The following DRC11 variants were observed in gnomAD, a reference collection of about 807,000 sequenced individuals.
The protein encoded by DRC11 is dynein regulatory complex subunit 11, also known as IQ and AAA domain-containing protein 1.
chr2:236,463,808 C>G, the DRC11 span, among the ~76,000 whole-genome samples: 1 of 152,224 alleles, frequency 6.6e-6, no homozygotes, highest in Admixed American at 6.5e-5. This position sits in a 1 kb window ranked among gnomAD's most constrained non-coding sequence, Gnocchi z 5.0. Flanking sequence ...TGTGGCTCAG[C>G]TGGGCGCCTC....
the DRC11 span, among the ~76,000 whole-genome samples, chr2:236,389,335 C>G: frequency 1.3e-5 from 2 of 152,206 alleles, no homozygotes; most frequent in African/African-American, 4.8e-5. Context: ...GTAGGACCCT[C>G]GGAGCCAGGT....
chr2:236,448,681 A>G, the DRC11 span, among the ~76,000 whole-genome samples: 1 of 151,866 alleles, frequency 6.6e-6, no homozygotes, highest in Non-Finnish European at 1.5e-5. This position sits in a 1 kb window ranked among gnomAD's most constrained non-coding sequence, Gnocchi z 5.3. Context: ...GGCTCTGAGG[A>G]GGAGGCCTCC....
At chr2:236,400,373 G>A in the DRC11 span, among the ~76,000 whole-genome samples, 5 of 152,180 alleles carry the variant, frequency 3.3e-5, no homozygotes, top group Non-Finnish European at 5.9e-5. The surrounding 1 kb of genome is among the most constrained non-coding windows in gnomAD (Gnocchi z 7.9). Flanking sequence ...GGTGCTACCC[G>A]CCGCCAGCCC....
chr2:236,460,926 T>C, the DRC11 span, among the ~76,000 whole-genome samples: 2 of 152,134 alleles, frequency 1.3e-5, no homozygotes, highest in Non-Finnish European at 2.9e-5. This position sits in a 1 kb window ranked among gnomAD's most constrained non-coding sequence, Gnocchi z 4.0. Flanking sequence ...AGCTAATTTT[T>C]GTATTTTTAG....
chr2:236,497,538 T>A, the DRC11 span: 18 of 1,368,618 alleles, frequency 1.3e-5, no homozygotes, highest in Non-Finnish European at 1.8e-5. This position sits in a 1 kb window ranked among gnomAD's most constrained non-coding sequence, Gnocchi z 5.1. Context: ...AATCACTTGG[T>A]AAAACATAAA....
chr2:236,353,910 G>A, the DRC11 span, among the ~76,000 whole-genome samples: 1 of 152,054 alleles, frequency 6.6e-6, no homozygotes, highest in Non-Finnish European at 1.5e-5. This position sits in a 1 kb window ranked among gnomAD's most constrained non-coding sequence, Gnocchi z 5.0. Flanking sequence ...ATGACATTTT[G>A]GCCTGCATTT....
chr2:236,388,725 G>A, the DRC11 span, among the ~76,000 whole-genome samples: 1 of 150,554 alleles, frequency 6.6e-6, no homozygotes, highest in African/African-American at 2.4e-5. Flanking sequence ...TCCTTTGGAG[G>A]AGGAGAGGCG....
chr2:236,368,066 T>G, the DRC11 span: 4 of 706,044 alleles, frequency 5.7e-6, no homozygotes, highest in Non-Finnish European at 1.0e-5. Context: ...CTGTGCCCAC[T>G]CAGAATTCTC....
the DRC11 span, among the ~76,000 whole-genome samples, chr2:236,338,649 G>C: frequency 6.6e-6 from 1 of 152,124 alleles, no homozygotes; most frequent in Non-Finnish European, 1.5e-5. Context: ...CTTGGCCCTA[G>C]GAATGGGAAG....
the DRC11 span, among the ~76,000 whole-genome samples, chr2:236,357,860 A>G: frequency 1.6e-5 from 2 of 125,492 alleles, no homozygotes; most frequent in East Asian, 4.7e-4. Flanking sequence ...ATAAATATAT[A>G]CTATATAAAT....
chr2:236,445,880 C>T, the DRC11 span, among the ~76,000 whole-genome samples: 16 of 152,234 alleles, frequency 1.1e-4, no homozygotes, highest in South Asian at 2.1e-4. The surrounding 1 kb of genome is among the most constrained non-coding windows in gnomAD (Gnocchi z 4.8). Flanking sequence ...CTATCCCTTT[C>T]TTGCTCACTG....
the DRC11 span, among the ~76,000 whole-genome samples, chr2:236,396,934 G>A: frequency 6.6e-6 from 1 of 152,228 alleles, no homozygotes; most frequent in South Asian, 2.1e-4. Context: ...CACCCAAGTG[G>A]TAAGTACAGC....
chr2:236,420,651 A>AC, the DRC11 span, among the ~76,000 whole-genome samples: 1 of 152,080 alleles, frequency 6.6e-6, no homozygotes, highest in African/African-American at 2.4e-5. This position sits in a 1 kb window ranked among gnomAD's most constrained non-coding sequence, Gnocchi z 4.8. Flanking sequence ...ACAAAAAAAA[A>AC]CACAAAACAT....
the DRC11 span, chr2:236,407,710 C>G: frequency 8.2e-5 from 22 of 268,076 alleles, no homozygotes; most frequent in East Asian, 2.9e-4. Flanking sequence ...TCATTTCCCC[C>G]CTGTGATCCT....
the DRC11 span, among the ~76,000 whole-genome samples, chr2:236,320,156 G>T: frequency 0.036 from 5,488 of 152,316 alleles, 343 homozygotes; most frequent in African/African-American, 0.12. Flanking sequence ...TTCTAGTGGT[G>T]GAGGTTTCAG....
chr2:236,388,928 G>A, the DRC11 span, among the ~76,000 whole-genome samples: 1 of 152,330 alleles, frequency 6.6e-6, no homozygotes, highest in East Asian at 1.9e-4. Context: ...GCTGTGTGAG[G>A]TGTCAGTATG....
chr2:236,343,258 T>C, the DRC11 span, among the ~76,000 whole-genome samples: 1 of 152,186 alleles, frequency 6.6e-6, no homozygotes, highest in Admixed American at 6.5e-5. The surrounding 1 kb of genome is among the most constrained non-coding windows in gnomAD (Gnocchi z 6.6). Context: ...CCAGTGCTCC[T>C]CTGGCTCTCT....
At chr2:236,501,836 C>T in the DRC11 span, among the ~76,000 whole-genome samples, 1 of 152,124 alleles carries the variant, frequency 6.6e-6, no homozygotes, top group African/African-American at 2.4e-5. Flanking sequence ...TTGTTTAGAA[C>T]TCGGATCTGA....
chr2:236,392,471 T>C, the DRC11 span: 1 of 555,342 alleles, frequency 1.8e-6, no homozygotes, highest in East Asian at 2.9e-5. The surrounding 1 kb of genome is among the most constrained non-coding windows in gnomAD (Gnocchi z 5.1). Flanking sequence ...TAAGCCTAAC[T>C]TTATATGTTA....
Sources: gnomAD v4.1 joint callset for allele counts (sites outside exome capture counted in the v4.1 genomes callset) on GRCh38, gnomAD v4.1.1 for gene constraint, Gnocchi (gnomAD v3.1) non-coding constraint, MANE v1.5 for transcripts, NCBI Gene and HGNC (gene_info 2026-07-23, HGNC 2026-07-21) for gene names.